IRS1: variants seen among roughly 807,000 people sequenced by gnomAD.
The protein encoded by IRS1 is insulin receptor substrate 1.
A neutral mutation model predicts 65.6 loss-of-function variants in IRS1; 34 were observed. The ratio of observed to expected loss-of-function variants is 0.52; its 90% CI spans 0.39 to 0.69. The LOEUF (loss-of-function observed/expected upper bound fraction) is 0.69. Among genes scored for constraint, IRS1 ranks in the 30% least tolerant of loss-of-function variants. The probability of loss-of-function intolerance (pLI) is 0.00; values close to 1 mark genes in which losing one functional copy is unlikely to be tolerated. For synonymous variants in IRS1, 699 were observed against 683.5 expected, an observed-to-expected ratio of 1.02 and a Z score of -0.35; for missense variants, 1,641 against 1,720.2, an observed-to-expected ratio of 0.95 and a Z score of 0.81.
intron 1 of IRS1, among the ~76,000 whole-genome samples, chr2:226,742,726 A>AAAAAAAAAAAAAAAAAAAAAAAAG (rs1431863272): frequency 1.4e-5 from 2 of 147,784 alleles, no homozygotes; most frequent in Admixed American, 7.0e-5. Context: ...AAAAAAAAAA[A>AAAAAAAAAAAAAAAAAAAAAAAAG]AGAAGACCGA....
At chr2:226,741,786 A>AACACAC (rs145806509) in intron 1 of IRS1, among the ~76,000 whole-genome samples, 11,793 of 138,308 alleles carry the variant, frequency 0.085, 544 homozygotes, top group Middle Eastern at 0.12. Context: ...GAGCCCAGTA[A>AACACAC]ACACACACAC....
chr2:226,777,880 A>C (rs1939304343), intron 1 of IRS1, among the ~76,000 whole-genome samples: 1 of 152,214 alleles, frequency 6.6e-6, no homozygotes, highest in African/African-American at 2.4e-5. Context: ...CAGCAGTGTG[A>C]AAATGGACTA....
rs745927014 is a variant in IRS1 at position 226,798,353 on chromosome 2, G to A, written c.386C>T (p.Ala129Val). The change falls in exon 1 of 2, where the codon GCG becomes GTG. Residue 129 changes from alanine to valine, a missense_variant. This residue lies in a region of IRS1 where 240 missense variants were observed against 229.6 expected (regional missense o/e 1.05). Coordinates refer to ENST00000305123, the MANE Select transcript of IRS1 (RefSeq NM_005544.3). The surrounding 1 kb of genome is among the most constrained non-coding windows in gnomAD (Gnocchi z 9.4). ...GCTGCAGCTGCCCCCACCACCTCCC[G>A]CCCCGAGGGCCGCAGCTCCGTCGTG... is the stretch of plus-strand genomic sequence containing the variant. ...GHHDGAAALG[A>V]GGGGGSCSGS... 1 of 1,613,424 alleles carries A rather than the reference G, an allele frequency of 6.2e-7. No homozygotes were observed. The highest frequency in any genetic ancestry group is 8.5e-7 in the Non-Finnish European group (1 of 1,179,894).
intron 1 of IRS1, among the ~76,000 whole-genome samples, chr2:226,771,164 A>G (rs181758327): frequency 6.6e-6 from 1 of 152,272 alleles, no homozygotes; most frequent in Admixed American, 6.5e-5. Flanking sequence ...AGGGAGTGGT[A>G]TATGTAAATA....
At chr2:226,757,432 T>C (rs902231694) in intron 1 of IRS1, among the ~76,000 whole-genome samples, 1 of 151,612 alleles carries the variant, frequency 6.6e-6, no homozygotes, top group Non-Finnish European at 1.5e-5. Context: ...CTGACCAACA[T>C]GGTAAAAACC....
chr2:226,797,306 G>T lies in IRS1; in HGVS notation c.1433C>A (p.Ala478Asp). 1 of 1,613,530 alleles carries T rather than the reference G, an allele frequency of 6.2e-7. No homozygotes were observed. The highest frequency in any genetic ancestry group is 8.5e-7 in the Non-Finnish European group (1 of 1,180,000). Reference protein sequence around the residue: ...MGGKGPSTLTAPNGHYILSRG... With the variant: ...MGGKGPSTLTDPNGHYILSRG... The stretch of plus-strand genomic sequence containing the variant: ...AGACAAAATGTAGTGACCGTTGGGG[G>T]CGGTCAGGGTGGAGGGCCCCTTGCC... Residue 478 changes from alanine to aspartate, a missense_variant, in exon 1 of 2, where the codon GCC becomes GAC. Around this residue, in one of 3 missense-constraint regions of IRS1, gnomAD observed 1,324 missense variants for 1,361.0 expected, o/e 0.97. Transcript: ENST00000305123. This position sits in a 1 kb window ranked among gnomAD's most constrained non-coding sequence, Gnocchi z 8.1.
intron 1 of IRS1, among the ~76,000 whole-genome samples, chr2:226,758,183 T>C (rs1337783287): frequency 2.0e-5 from 3 of 152,212 alleles, no homozygotes; most frequent in African/African-American, 7.2e-5. Context: ...TCAGGACTCA[T>C]GTATGAAGGT....
intron 1 of IRS1, among the ~76,000 whole-genome samples, chr2:226,747,854 C>T (rs1938580678): frequency 6.6e-6 from 1 of 152,114 alleles, no homozygotes; most frequent in Non-Finnish European, 1.5e-5. Context: ...GCAGGTATTT[C>T]TGCTTGTCAC....
At chr2:226,764,802 G>A (rs978660949) in intron 1 of IRS1, among the ~76,000 whole-genome samples, 7 of 152,130 alleles carry the variant, frequency 4.6e-5, no homozygotes, top group Admixed American at 1.3e-4. Flanking sequence ...ATCTATATGC[G>A]AGCAGATCAG....
chr2:226,791,111 G>A (rs1939584991), intron 1 of IRS1, among the ~76,000 whole-genome samples: 1 of 152,120 alleles, frequency 6.6e-6, no homozygotes, highest in Non-Finnish European at 1.5e-5. Flanking sequence ...ACCTAGCTCT[G>A]GTGCTTTGCA....
At chr2:226,788,030 AC>A (rs36040151) in intron 1 of IRS1, among the ~76,000 whole-genome samples, 4,252 of 152,138 alleles carry the variant, frequency 0.028, 74 homozygotes, top group Middle Eastern at 0.078. Context: ...AAAAAAAAAA[AC>A]GTCTCTTTGA....
intron 1 of IRS1, among the ~76,000 whole-genome samples, chr2:226,761,652 A>T (rs1938915908): frequency 6.6e-6 from 1 of 152,208 alleles, no homozygotes; most frequent in Non-Finnish European, 1.5e-5. Context: ...TCCCACAAAG[A>T]ATCCTAAGTT....
At position 226,732,302 on chromosome 2, in the gene IRS1, A is replaced by G. The variant is rs1041393572; in HGVS notation, c.*3970T>C. On this transcript the variant is annotated 3_prime_UTR_variant, in exon 2 of 2. Coordinates refer to ENST00000305123, the MANE Select transcript of IRS1 (RefSeq NM_005544.3). ...TGTGGCGCTGCCTCAGAAAGGACCC[A>G]TGGCCCCAGTGTTTATCCTCGGTGT... 3 of 151,918 alleles carry G rather than the reference A, an allele frequency of 2.0e-5. No homozygotes were observed. The highest frequency in any genetic ancestry group is 7.3e-5 in the African/African-American group (3 of 41,352). 9.4% of individuals were successfully genotyped at this position (151,918 alleles called of 1,614,324 possible). A position where few individuals can be genotyped will look rare whatever the true frequency, so the allele number is the denominator to read the frequency against.
At position 226,797,103 on chromosome 2, in the gene IRS1, C is replaced by G; in HGVS notation, c.1636G>C (p.Ala546Pro). 1 of 1,613,714 alleles carries G rather than the reference C, an allele frequency of 6.2e-7. No individual in the cohort carries two copies. Among genetic ancestry groups the G allele is most frequent in the South Asian group, 1.1e-5 (1 of 91,080 alleles). ...ATCTCTGTGTACTCCTCAATGGAAG[C>G]CACTGAGGACTGGGACGGGGTCTTC... ...HQKTPSQSSVASIEEYTEMMP... is the reference protein window; with the variant it reads ...HQKTPSQSSVPSIEEYTEMMP... Residue 546 changes from alanine to proline, a missense_variant, in exon 1 of 2, where the codon GCT becomes CCT. Physicochemically the swap from Ala to Pro is conservative, Grantham distance 27. This residue lies in a region of IRS1 where 1,324 missense variants were observed against 1,361.0 expected (regional missense o/e 0.97). Transcript: ENST00000305123. This position sits in a 1 kb window ranked among gnomAD's most constrained non-coding sequence, Gnocchi z 8.1.
chr2:226,796,088 A>G lies in IRS1; in HGVS notation c.2651T>C (p.Leu884Ser). 1 of 1,613,854 alleles carries G rather than the reference A, an allele frequency of 6.2e-7. No individual in the cohort carries two copies. Residue 884 changes from leucine (L) to serine (S), a missense_variant, in exon 1 of 2, where the codon TTG (leucine) becomes TCG (serine). Leu to Ser is a moderately radical substitution (Grantham distance 145). This residue lies in a region of IRS1 where 1,324 missense variants were observed against 1,361.0 expected (regional missense o/e 0.97). Transcript: ENST00000305123. The stretch of plus-strand genomic sequence containing the variant: ...GCTCTTGGGCTCTGGAGGGTGCAGC[A>G]AGGGCTGCTGCTGCTGCTGCTGCTC... ...AREQQQQQQPLLHPPEPKSPG... is the reference protein window; with the variant it reads ...AREQQQQQQPSLHPPEPKSPG...
At position 226,733,189 on chromosome 2, in the gene IRS1, C is replaced by A. The variant is rs1410665118; in HGVS notation, c.*3083G>T. 2 of 152,108 alleles carry A rather than the reference C, an allele frequency of 1.3e-5. No individual in the cohort carries two copies. Among genetic ancestry groups the A allele is most frequent in the South Asian group, 2.1e-4 (1 of 4,830 alleles). 9.4% of individuals were successfully genotyped at this position (152,108 alleles called of 1,614,324 possible). Reference sequence around the variant, plus strand: ...TTGTAAAATACTGTTTCTTACCATACAGAAAAATTGTTTCTTAATACTTCA... The same window carrying A: ...TTGTAAAATACTGTTTCTTACCATAAAGAAAAATTGTTTCTTAATACTTCA... On this transcript the variant is annotated 3_prime_UTR_variant, in exon 2 of 2. Coordinates refer to ENST00000305123, the MANE Select transcript of IRS1 (RefSeq NM_005544.3).
chr2:226,789,697 A>G (rs1939552250), intron 1 of IRS1, among the ~76,000 whole-genome samples: 2 of 152,180 alleles, frequency 1.3e-5, no homozygotes, highest in South Asian at 4.1e-4. Context: ...CTTACTCTAT[A>G]GTGTGGGGAG....
intron 1 of IRS1, among the ~76,000 whole-genome samples, chr2:226,774,636 A>G (rs528801846): frequency 9.2e-5 from 14 of 152,366 alleles, no homozygotes; most frequent in Non-Finnish European, 2.1e-4. Context: ...TTAGTATTAA[A>G]GGAAAGCTGA....
At chr2:226,779,755 T>C (rs1939345182) in intron 1 of IRS1, among the ~76,000 whole-genome samples, 1 of 152,214 alleles carries the variant, frequency 6.6e-6, no homozygotes, top group South Asian at 2.1e-4. Flanking sequence ...AAACAATTGC[T>C]ACAGTAGCGG....
Sources: allele counts gnomAD v4.1 joint callset (sites outside exome capture counted in the v4.1 genomes callset), GRCh38; gene constraint gnomAD v4.1.1; regional missense constraint gnomAD v4.1.1; non-coding constraint Gnocchi (gnomAD v3.1); transcripts MANE v1.5; gene names NCBI Gene and HGNC (gene_info 2026-07-23, HGNC 2026-07-21).